The following ELP3 variants were observed in gnomAD, a reference collection of about 807,000 sequenced individuals.
ELP3 encodes elongator complex protein 3.
In ELP3, 56 loss-of-function variants were observed where a neutral mutation model predicts 74.9. The observed-to-expected ratio is 0.75, with a 90% CI of 0.60 to 0.93. The LOEUF is 0.93. Ranked by LOEUF, ELP3 falls within the 40% of genes least tolerant of loss-of-function variation. ELP3 has a pLI of 0.00. For synonymous variants in ELP3, 222 were observed against 239.8 expected (o/e 0.93, Z 0.68); for missense variants, 573 against 686.5 (o/e 0.83, Z 1.85).
At chr8:28,090,461 T>A (rs993984676), upstream of ELP3, 4 of 294,756 alleles carry the variant, frequency 1.4e-5, no homozygotes, top group African/African-American at 6.8e-5. Context: ...TTGTGATAAA[T>A]CCTCCATAGT....
At position 28,113,073 on chromosome 8, in the gene ELP3, A is replaced by G. The variant is rs1389420251; in HGVS notation, c.517A>G (p.Thr173Ala). ...DKVEFIVMGGTFMALPEEYRD... is the reference protein window; with the variant it reads ...DKVEFIVMGGAFMALPEEYRD... ...AGTGGAGTTTATTGTGATGGGTGGA[A>G]CGTTTATGGCCCTTCCAGAAGAATA... Residue 173 changes from threonine (T) to alanine (A), a missense_variant, in exon 7 of 15, where the codon ACG becomes GCG. Thr to Ala is a moderately conservative substitution (Grantham distance 58, BLOSUM62 0). Coordinates refer to ENST00000256398, the MANE Select transcript of ELP3 (RefSeq NM_018091.6). 1 of 1,613,750 alleles carries G rather than the reference A, an allele frequency of 6.2e-7. No individual in the cohort carries two copies. The highest frequency in any genetic ancestry group is 1.7e-5 in the Admixed American group (1 of 59,974).
chr8:28,147,396 T>A lies in ELP3; in HGVS notation c.1101-8546T>A, dbSNP rs541264998. Among the ~76,000 whole-genome samples, 1 of 152,186 alleles carries A rather than the reference T, an allele frequency of 6.6e-6. No homozygotes were observed. The highest frequency in any genetic ancestry group is 2.1e-4 in the South Asian group (1 of 4,804). ...GATGGCAACTGCAGTTGTTGGGAGA[T>A]TAGTTACATTGAGCAAAGAAGTTAT... On this transcript the variant is annotated intron_variant, in intron 10 of 14. Transcript: ENST00000256398. This position sits in a 1 kb window ranked among gnomAD's most constrained non-coding sequence, Gnocchi z 4.5.
chr8:28,091,411 G>A (rs1298391539), upstream of ELP3, among the ~76,000 whole-genome samples: 1 of 152,092 alleles, frequency 6.6e-6, no homozygotes, highest in Non-Finnish European at 1.5e-5. Flanking sequence ...AATTATTTTC[G>A]GTTTACAGAG....
chr8:28,112,906 CT>C (rs1811976346), intron 6 of ELP3, 112 bp from the exon 7 acceptor site: 15 of 968,466 alleles, frequency 1.5e-5, no homozygotes, highest in Admixed American at 9.6e-5. Flanking sequence ...TTCATTACTT[CT>C]GATTTTTAAA....
At chr8:28,149,990 A>G (rs1203392697) in intron 10 of ELP3, among the ~76,000 whole-genome samples, 2 of 151,996 alleles carry the variant, frequency 1.3e-5, no homozygotes, top group Non-Finnish European at 2.9e-5. Context: ...AGAATTTGCA[A>G]TGTGCATTTA....
intron 7 of ELP3, among the ~76,000 whole-genome samples, chr8:28,123,689 T>G (rs1812458873): frequency 6.6e-6 from 1 of 152,250 alleles, no homozygotes; most frequent in South Asian, 2.1e-4. Flanking sequence ...TGTAAATCTG[T>G]TATTAGGTAC....
chr8:28,110,581 G>A, intron 6 of ELP3, 143 bp downstream of exon 6: 3 of 679,486 alleles, frequency 4.4e-6, no homozygotes, highest in Non-Finnish European at 7.3e-6. Context: ...CCATTTGAGG[G>A]AGGGAGAATT....
At chr8:28,162,371 T>G (rs1814135116) in intron 14 of ELP3, among the ~76,000 whole-genome samples, 1 of 152,210 alleles carries the variant, frequency 6.6e-6, no homozygotes, top group African/African-American at 2.4e-5. Flanking sequence ...AGTTACTGTA[T>G]CTGAGGAAAT....
upstream of ELP3, among the ~76,000 whole-genome samples, chr8:28,091,620 G>C (rs1811057348): frequency 6.6e-6 from 1 of 152,134 alleles, no homozygotes; most frequent in South Asian, 2.1e-4. Flanking sequence ...TCCAGCCCAT[G>C]GACAAAGGAG....
chr8:28,136,842 G>T (rs185355747), intron 9 of ELP3, among the ~76,000 whole-genome samples: 1 of 152,326 alleles, frequency 6.6e-6, no homozygotes, highest in Non-Finnish European at 1.5e-5. Flanking sequence ...TGCAAAACAA[G>T]ATTAGAGCAA....
intron 14 of ELP3, among the ~76,000 whole-genome samples, chr8:28,188,976 A>C (rs1024433171): frequency 6.6e-6 from 1 of 152,232 alleles, no homozygotes; most frequent in Non-Finnish European, 1.5e-5. Context: ...TAGAACACCC[A>C]GTTGGTGTCA....
At chr8:28,170,600 G>GT (rs1324458953) in intron 14 of ELP3, among the ~76,000 whole-genome samples, 1 of 152,122 alleles carries the variant, frequency 6.6e-6, no homozygotes, top group African/African-American at 2.4e-5. Flanking sequence ...TAGAAGCCTG[G>GT]TTTTGGGCTG....
intron 3 of ELP3, among the ~76,000 whole-genome samples, chr8:28,101,156 G>A (rs771461136): frequency 2.6e-4 from 39 of 151,940 alleles, no homozygotes; most frequent in Non-Finnish European, 4.4e-4. Context: ...GGTGGCTCAC[G>A]CCTGTAATCC....
At chr8:28,180,929 C>T (rs1814985930) in intron 14 of ELP3, among the ~76,000 whole-genome samples, 1 of 152,150 alleles carries the variant, frequency 6.6e-6, no homozygotes, top group Non-Finnish European at 1.5e-5. Flanking sequence ...CTCTGCCTCT[C>T]AGTTGCTTCC....
At chr8:28,156,081 A>G (rs769283470) in intron 11 of ELP3, 49 bp downstream of exon 11, 1 of 1,504,368 alleles carries the variant, frequency 6.6e-7, no homozygotes, top group Non-Finnish European at 9.2e-7. Context: ...AAAAAGAGAA[A>G]TCTGAAACAC....
chr8:28,117,777 G>A (rs1329917852), intron 7 of ELP3, among the ~76,000 whole-genome samples: 1 of 152,096 alleles, frequency 6.6e-6, no homozygotes, highest in East Asian at 1.9e-4. Flanking sequence ...CTTTGTTAAG[G>A]TAAAGTTTTA....
chr8:28,150,084 C>T (rs1813582667), intron 10 of ELP3, among the ~76,000 whole-genome samples: 1 of 152,148 alleles, frequency 6.6e-6, no homozygotes. Flanking sequence ...ACAAAATAAT[C>T]CTAATTCCTC....
At chr8:28,188,530 A>G (rs1815331376) in intron 14 of ELP3, among the ~76,000 whole-genome samples, 1 of 152,150 alleles carries the variant, frequency 6.6e-6, no homozygotes, top group Non-Finnish European at 1.5e-5. Flanking sequence ...CTACACAATG[A>G]AACTCCATAA....
At chr8:28,095,124 G>C (rs925916466) in intron 1 of ELP3, among the ~76,000 whole-genome samples, 4 of 152,174 alleles carry the variant, frequency 2.6e-5, no homozygotes, top group Non-Finnish European at 5.9e-5. Context: ...CACAAAGATA[G>C]GTAATTCCTA....
Sources: gnomAD v4.1 joint callset for allele counts (sites outside exome capture counted in the v4.1 genomes callset) on GRCh38, gnomAD v4.1.1 for gene constraint, Gnocchi (gnomAD v3.1) non-coding constraint, MANE v1.5 for transcripts, NCBI Gene and HGNC (gene_info 2026-07-23, HGNC 2026-07-21) for gene names.